The following PPP1R9A variants were observed in gnomAD, a reference collection of about 807,000 sequenced individuals.
PPP1R9A encodes the protein protein phosphatase 1 regulatory subunit 9A.
A neutral mutation model predicts 141.9 loss-of-function variants in PPP1R9A; 59 were observed. The observed-to-expected ratio is 0.42, with a 90% CI of 0.34 to 0.52. PPP1R9A has a LOEUF of 0.52. Among genes scored for constraint, PPP1R9A ranks in the 20% least tolerant of loss-of-function variants. PPP1R9A has a pLI of 0.10. For synonymous variants in PPP1R9A, 500 were observed against 569.7 expected, an observed-to-expected ratio of 0.88 and a Z score of 1.74; for missense variants, 1,444 against 1,611.9, an observed-to-expected ratio of 0.90 and a Z score of 1.78.
intron 16 of PPP1R9A, among the ~76,000 whole-genome samples, chr7:95,281,207 G>T (rs1431312702): frequency 6.6e-6 from 1 of 152,156 alleles, no homozygotes; most frequent in Non-Finnish European, 1.5e-5. Context: ...ACTCACAGAG[G>T]AATGAGAGAT....
At chr7:95,227,060 G>A (rs557212371) in intron 8 of PPP1R9A, among the ~76,000 whole-genome samples, 1 of 152,242 alleles carries the variant, frequency 6.6e-6, no homozygotes, top group African/African-American at 2.4e-5. Flanking sequence ...GAGCAATGCA[G>A]AAAAAGAAAA....
At chr7:95,068,399 G>A (rs182527677) in intron 2 of PPP1R9A, among the ~76,000 whole-genome samples, 3,182 of 148,126 alleles carry the variant, frequency 0.021, 53 homozygotes, top group Non-Finnish European at 0.035. Flanking sequence ...GAACCTGGGA[G>A]GTGGAGATTG....
chr7:94,994,485 T>C (rs1021796426), intron 2 of PPP1R9A, among the ~76,000 whole-genome samples: 1 of 152,224 alleles, frequency 6.6e-6, no homozygotes, highest in African/African-American at 2.4e-5. Context: ...TTAAAAAATG[T>C]ACTTTTTATC....
At chr7:95,132,478 CAT>C (rs1173227186) in intron 4 of PPP1R9A, among the ~76,000 whole-genome samples, 5 of 152,138 alleles carry the variant, frequency 3.3e-5, no homozygotes, top group African/African-American at 1.2e-4. Flanking sequence ...TGTGGTGAAT[CAT>C]ATTTATTGAT....
intron 2 of PPP1R9A, among the ~76,000 whole-genome samples, chr7:94,930,000 CAG>C (rs796134703): frequency 3.7e-4 from 57 of 152,320 alleles, no homozygotes; most frequent in African/African-American, 1.3e-3. Flanking sequence ...TGGTTGATAA[CAG>C]ATGCTCAGCA....
intron 2 of PPP1R9A, among the ~76,000 whole-genome samples, chr7:95,096,721 G>A (rs1263482523): frequency 2.0e-5 from 3 of 152,152 alleles, no homozygotes; most frequent in African/African-American, 7.2e-5. Flanking sequence ...ATTCACTGCT[G>A]TATGTAGCCT....
chr7:95,198,561 C>T, intron 6 of PPP1R9A, 77 bp downstream of exon 6: 1 of 1,411,950 alleles, frequency 7.1e-7, no homozygotes, highest in East Asian at 2.5e-5. Flanking sequence ...AACAGTATGA[C>T]AGGTTTTATG....
chr7:95,004,896 A>G (rs1054315225), intron 2 of PPP1R9A, among the ~76,000 whole-genome samples: 2 of 152,260 alleles, frequency 1.3e-5, no homozygotes, highest in Admixed American at 6.5e-5. Context: ...ACTACAGTCC[A>G]TATCTTAACA....
At chr7:95,007,349 C>G (rs567181491) in intron 2 of PPP1R9A, among the ~76,000 whole-genome samples, 1 of 152,262 alleles carries the variant, frequency 6.6e-6, no homozygotes, top group African/African-American at 2.4e-5. Context: ...AGCCTCACCC[C>G]AATAGATGCC....
intron 2 of PPP1R9A, among the ~76,000 whole-genome samples, chr7:94,957,832 C>T (rs16868668): frequency 0.021 from 3,137 of 152,068 alleles, 128 homozygotes; most frequent in African/African-American, 0.073. Context: ...GTAAGCCATA[C>T]TAACTAAAGC....
At chr7:95,062,892 C>T (rs2152086983) in intron 2 of PPP1R9A, among the ~76,000 whole-genome samples, 1 of 152,204 alleles carries the variant, frequency 6.6e-6, no homozygotes, top group South Asian at 2.1e-4. Context: ...GCAGTAGCGG[C>T]TGTGGGTGTT....
chr7:95,117,095 C>G (rs1443689610), intron 3 of PPP1R9A, among the ~76,000 whole-genome samples: 1 of 152,122 alleles, frequency 6.6e-6, no homozygotes, highest in Non-Finnish European at 1.5e-5. Flanking sequence ...GCAGGAGAGT[C>G]TTAACCAAAA....
intron 2 of PPP1R9A, among the ~76,000 whole-genome samples, chr7:94,925,595 A>G (rs545979692): frequency 6.6e-6 from 1 of 152,180 alleles, no homozygotes; most frequent in South Asian, 2.1e-4. Context: ...GGAATCAGAC[A>G]GACCTGTATT....
At chr7:95,096,223 T>C (rs1817997414) in intron 2 of PPP1R9A, among the ~76,000 whole-genome samples, 1 of 152,206 alleles carries the variant, frequency 6.6e-6, no homozygotes, top group African/African-American at 2.4e-5. Flanking sequence ...AAATGTAACA[T>C]GTATTTGGCA....
intron 9 of PPP1R9A, among the ~76,000 whole-genome samples, chr7:95,248,447 A>G (rs986883786): frequency 7.2e-5 from 11 of 152,102 alleles, no homozygotes; most frequent in Non-Finnish European, 1.3e-4. Context: ...ACGACTATAC[A>G]TCATTCACGG....
At chr7:94,986,687 A>G (rs1036146908) in intron 2 of PPP1R9A, among the ~76,000 whole-genome samples, 1 of 152,232 alleles carries the variant, frequency 6.6e-6, no homozygotes, top group East Asian at 1.9e-4. Context: ...ATCATTATAC[A>G]CTGGATACAC....
intron 8 of PPP1R9A, among the ~76,000 whole-genome samples, chr7:95,244,717 T>C (rs1420779004): frequency 6.6e-6 from 1 of 152,158 alleles, no homozygotes; most frequent in Admixed American, 6.5e-5. Context: ...AGGTGTGACA[T>C]TTTACAGCAG....
intron 2 of PPP1R9A, among the ~76,000 whole-genome samples, chr7:95,078,906 G>A (rs1202387955): frequency 2.6e-4 from 40 of 152,144 alleles, no homozygotes; most frequent in Non-Finnish European, 3.4e-4. Flanking sequence ...GTAGGTTTGC[G>A]AAAATTTTCT....
intron 16 of PPP1R9A, among the ~76,000 whole-genome samples, chr7:95,282,921 G>A (rs1804546869): frequency 6.6e-6 from 1 of 152,098 alleles, no homozygotes; most frequent in Non-Finnish European, 1.5e-5. Flanking sequence ...ATATAAACTG[G>A]AAATATATTT....
Sources: allele counts gnomAD v4.1 joint callset (sites outside exome capture counted in the v4.1 genomes callset), GRCh38; gene constraint gnomAD v4.1.1; transcripts MANE v1.5; gene names NCBI Gene and HGNC (gene_info 2026-07-23, HGNC 2026-07-21).